The following LMNA variants were observed in gnomAD, a reference collection of about 807,000 sequenced individuals.
LMNA encodes lamin.
LMNA carries 20 observed loss-of-function variants against 70.4 expected under a neutral mutation model. The observed-to-expected ratio is 0.28, with a 90% confidence interval of 0.20 to 0.41. LMNA has a LOEUF of 0.41. LMNA is among the 10% of genes least tolerant of loss of function. LMNA has a pLI of 1.00. For missense variants in LMNA, 652 were observed against 917.2 expected, an observed-to-expected ratio of 0.71 and a Z score of 3.73; for synonymous variants, 339 against 372.8, an observed-to-expected ratio of 0.91 and a Z score of 1.04.
At position 156,135,968 on chromosome 1, in the gene LMNA, G is replaced by A. The variant is rs138592977; in HGVS notation, c.1004G>A (p.Arg335Gln). 5.9e-5 allele frequency: 95 copies of A among 1,613,904 alleles called. No individual in the cohort carries two copies. Among genetic ancestry groups the A allele is most frequent in the Non-Finnish European group, 5.8e-5 (68 of 1,180,018 alleles). Residue 335 changes from arginine (R) to glutamine (Q), a missense_variant, in exon 6 of 12, where the codon CGG (arginine) becomes CAG (glutamine). Physicochemically the swap from Arg to Gln is conservative, Grantham distance 43 (BLOSUM62 1). Around this residue, in one of 4 missense-constraint regions of LMNA, gnomAD observed 38 missense variants for 32.5 expected, o/e 1.17. Coordinates refer to ENST00000368300, the MANE Select transcript of LMNA (RefSeq NM_170707.4). This position sits in a 1 kb window ranked among gnomAD's most constrained non-coding sequence, Gnocchi z 4.8. ...CTGGCCCGTGAGCGGGACACCAGCC[G>A]GCGGCTGCTGGCGGAAAAGGAGCGG... The part of the protein sequence containing the change: ...DSLARERDTS[R>Q]RLLAEKEREM...
chr1:156,088,070 A>G (rs577677525), intron 2 of LMNA, among the ~76,000 whole-genome samples: 1 of 151,570 alleles, frequency 6.6e-6, no homozygotes, highest in Non-Finnish European at 1.5e-5. Flanking sequence ...CAGGGTTTCA[A>G]CATGTTGGCC....
In LMNA at chr1:156,138,269, C is replaced by G; in HGVS notation, c.1699-219C>G. 1.7e-6 allele frequency: 1 copy of G among 602,164 alleles called. No homozygotes were observed. The highest frequency in any genetic ancestry group is 2.0e-5 in the South Asian group (1 of 50,266). The allele number at this position is 602,164 out of a possible 1,614,324, so 37.3% of individuals were successfully genotyped here. A position where few individuals can be genotyped will look rare whatever the true frequency, so the allele number is the denominator to read the frequency against. On this transcript the variant is annotated intron_variant, in intron 10 of 11. Transcript: ENST00000368300. This position sits in a 1 kb window ranked among gnomAD's most constrained non-coding sequence, Gnocchi z 5.5. ...GAGTCAGAGTCACTGCTCTGGTTCT[C>G]TGTCCCCAAGTCTTCCTGAGCCTTC...
At chr1:156,128,222 A>G (rs1020194710) in intron 1 of LMNA, among the ~76,000 whole-genome samples, 3 of 152,116 alleles carry the variant, frequency 2.0e-5, no homozygotes, top group Admixed American at 6.6e-5. Context: ...AGTGTTTGCT[A>G]TTATATTATT....
intron 1 of LMNA, among the ~76,000 whole-genome samples, chr1:156,123,912 T>TC (rs1650368050): frequency 4.6e-5 from 7 of 152,154 alleles, no homozygotes; most frequent in Admixed American, 4.6e-4. Flanking sequence ...CGTCTGAACA[T>TC]GTCAACAGGC....
chr1:156,097,964 T>C (rs1558109082), intron 3 of LMNA, among the ~76,000 whole-genome samples: 1 of 152,166 alleles, frequency 6.6e-6, no homozygotes, highest in African/African-American at 2.4e-5. Flanking sequence ...TGTGTGTGTG[T>C]GTGTGATCAT....
chr1:156,106,635 A>AC (rs1016732291), intron 3 of LMNA: 23 of 43,040 alleles, frequency 5.3e-4, no homozygotes, highest in Admixed American at 3.6e-3. Context: ...CTCTGTCCCC[A>AC]CCCCCCCACG....
At chr1:156,129,925 TC>T in intron 1 of LMNA, 2 of 755,886 alleles carry the variant, frequency 2.6e-6, no homozygotes, top group South Asian at 2.8e-5. Context: ...CTCAGCCTTC[TC>T]CCAGGGCACG....
chr1:156,134,952 C>A lies in LMNA; in HGVS notation c.787C>A (p.Leu263Met), dbSNP rs750246389. 4.3e-6 allele frequency: 7 copies of A among 1,614,200 alleles called. No homozygotes were observed. The highest frequency in any genetic ancestry group is 5.1e-6 in the Non-Finnish European group (6 of 1,180,038). ...EDQVEQYKKE[L>M]EKTYSAKLDN... ...CCAGGTGGAGCAGTATAAGAAGGAG[C>A]TGGAGAAGACTTATTCTGCCAAGGT... Residue 263 changes from leucine to methionine, a missense_variant, in exon 4 of 12, where the codon CTG (leucine) becomes ATG (methionine). Transcript: ENST00000368300. This position sits in a 1 kb window ranked among gnomAD's most constrained non-coding sequence, Gnocchi z 5.3.
chr1:156,137,368 T>A lies in LMNA; in HGVS notation c.1608+136T>A, dbSNP rs893247449. ...CTCTCTGTTGCAGGCTCCAGACTTCTCCACCCAGTAGGCAAACCAAAAGAT... is the reference window on the plus strand; with the variant it reads ...CTCTCTGTTGCAGGCTCCAGACTTCACCACCCAGTAGGCAAACCAAAAGAT... On this transcript the variant is annotated intron_variant, in intron 9 of 11. Transcript: ENST00000368300. The surrounding 1 kb of genome is among the most constrained non-coding windows in gnomAD (Gnocchi z 4.6). 4 of 1,194,004 alleles carry A rather than the reference T, an allele frequency of 3.4e-6. No homozygotes were observed. In the African/African-American group the frequency reaches 4.5e-5, roughly 14 times the overall value. The allele number at this position is 1,194,004 out of a possible 1,614,324, so 74.0% of individuals were successfully genotyped here. A position where few individuals can be genotyped will look rare whatever the true frequency, so the allele number is the denominator to read the frequency against.
chr1:156,139,320 A>G lies in LMNA; in HGVS notation c.*214A>G, dbSNP rs1651922913. On this transcript the variant is annotated 3_prime_UTR_variant, in exon 12 of 12. Transcript: ENST00000368300. ...AACACAAGCAAAAAAAAAAAAAAGC[A>G]TCTATCTCATCTATCTCAATCCTAA... 5.0e-6 allele frequency: 7 copies of G among 1,405,184 alleles called. No homozygotes were observed. The South Asian group carries it at 1.1e-4, about 22-fold the overall frequency. The allele number at this position is 1,405,184 out of a possible 1,614,324, so 87.0% of individuals were successfully genotyped here.
At chr1:156,122,895 G>A (rs1438484363) in intron 1 of LMNA, among the ~76,000 whole-genome samples, 1 of 152,200 alleles carries the variant, frequency 6.6e-6, no homozygotes, top group Non-Finnish European at 1.5e-5. Context: ...CCTTAAGGAA[G>A]GGGAAAGAGT....
chr1:156,114,949 C>T lies in LMNA; in HGVS notation c.31C>T (p.Arg11Cys), dbSNP rs755465323. The change falls in exon 1 of 12, where the codon CGC becomes TGC. Residue 11 changes from arginine to cysteine, a missense_variant. By Grantham distance (180) the Arg-to-Cys change is radical. Coordinates refer to ENST00000368300, the MANE Select transcript of LMNA (RefSeq NM_170707.4). METPSQRRAT[R>C]SGAQASSTPL... ...GACCCCGTCCCAGCGGCGCGCCACCCGCAGCGGGGCGCAGGCCAGCTCCAC... is the reference window on the plus strand; with the variant it reads ...GACCCCGTCCCAGCGGCGCGCCACCTGCAGCGGGGCGCAGGCCAGCTCCAC... The T allele has an allele frequency of 6.4e-7, 1 of 1,571,908 alleles. No homozygotes were observed. Among genetic ancestry groups the T allele is most frequent in the Non-Finnish European group, 8.6e-7 (1 of 1,158,298 alleles).
In LMNA at chr1:156,137,592, A is replaced by T; in HGVS notation, c.1609-62A>T. 7.1e-7 allele frequency: 1 copy of T among 1,417,606 alleles called. No homozygotes were observed. The highest frequency in any genetic ancestry group is 1.4e-5 in the African/African-American group (1 of 70,618). The allele number at this position is 1,417,606 out of a possible 1,614,324, so 87.8% of individuals were successfully genotyped here. On this transcript the variant is annotated intron_variant, in intron 9 of 11. Transcript: ENST00000368300. This position sits in a 1 kb window ranked among gnomAD's most constrained non-coding sequence, Gnocchi z 4.6. ...AAAAGTTGCAGGTGGTCACTGGGGT[A>T]GACATGCTGTACAACCCTTCCCTGG... is the stretch of plus-strand genomic sequence containing the variant.
In LMNA at chr1:156,115,733, G is replaced by A. The variant is rs755392192; in HGVS notation, c.356+459G>A. ...CACTGTGCTAGCTTTGCCCAAGCTG[G>A]CTCTGAACACATGATGCCCACTAAG... On this transcript the variant is annotated intron_variant, in intron 1 of 11. Transcript: ENST00000368300. The surrounding 1 kb of genome is among the most constrained non-coding windows in gnomAD (Gnocchi z 5.8). Among the ~76,000 whole-genome samples, 5 of 152,242 alleles carry A rather than the reference G, an allele frequency of 3.3e-5. No individual in the cohort carries two copies. Among genetic ancestry groups the A allele is most frequent in the Non-Finnish European group, 7.3e-5 (5 of 68,042 alleles).
chr1:156,099,353 T>C (rs1161677656), intron 3 of LMNA, among the ~76,000 whole-genome samples: 1 of 152,168 alleles, frequency 6.6e-6, no homozygotes. Context: ...TTGACAGCTA[T>C]GGAGTCAAGG....
intron 3 of LMNA, among the ~76,000 whole-genome samples, chr1:156,097,519 T>C (rs1648983349): frequency 6.6e-6 from 1 of 152,258 alleles, no homozygotes; most frequent in African/African-American, 2.4e-5. Context: ...ATTACCGTTA[T>C]CCCTGTTTTA....
At chr1:156,123,842 G>A (rs183232721) in intron 1 of LMNA, among the ~76,000 whole-genome samples, 7 of 152,246 alleles carry the variant, frequency 4.6e-5, no homozygotes, top group Non-Finnish European at 7.4e-5. Context: ...ACGTTGATAC[G>A]CCCAGCAGCT....
At chr1:156,112,574 CTGG>C (rs1218666450), upstream of LMNA, among the ~76,000 whole-genome samples, 1 of 152,192 alleles carries the variant, frequency 6.6e-6, no homozygotes, top group Non-Finnish European at 1.5e-5. Context: ...GCCTCTGCTT[CTGG>C]TGTGGAGAAG....
chr1:156,100,167 T>C (rs745772347), intron 3 of LMNA, among the ~76,000 whole-genome samples: 2 of 152,178 alleles, frequency 1.3e-5, no homozygotes, highest in Non-Finnish European at 2.9e-5. Flanking sequence ...TCCACTCACT[T>C]AGAGGGAGTT....
Sources: gnomAD v4.1 joint callset for allele counts (sites outside exome capture counted in the v4.1 genomes callset) on GRCh38, gnomAD v4.1.1 for gene constraint, gnomAD v4.1.1 regional missense constraint, Gnocchi (gnomAD v3.1) non-coding constraint, MANE v1.5 for transcripts, NCBI Gene and HGNC (gene_info 2026-07-23, HGNC 2026-07-21) for gene names.